Variants in NELL1 observed in about 807,000 individuals in gnomAD.
NELL1 encodes the protein protein kinase C-binding protein NELL1.
In NELL1, 76 loss-of-function variants were observed where a neutral mutation model predicts 107.4. The ratio of observed to expected loss-of-function variants is 0.71; its 90% CI spans 0.59 to 0.86. The LOEUF is 0.86. Among genes scored for constraint, NELL1 ranks in the 40% least tolerant of loss-of-function variants. NELL1 has a pLI of 0.00. For missense variants in NELL1, 1,024 were observed against 1,005.5 expected, an observed-to-expected ratio of 1.02 and a Z score of -0.25; for synonymous variants, 353 against 341.2, an observed-to-expected ratio of 1.03 and a Z score of -0.38.
chr11:21,290,087 G>T (rs10833494), intron 14 of NELL1, among the ~76,000 whole-genome samples: 2 of 152,066 alleles, frequency 1.3e-5, no homozygotes, highest in Non-Finnish European at 2.9e-5. Flanking sequence ...TAAATATTCC[G>T]GGCTGGACGC....
chr11:21,458,745 G>T (rs891576726), intron 15 of NELL1, among the ~76,000 whole-genome samples: 1 of 152,096 alleles, frequency 6.6e-6, no homozygotes, highest in South Asian at 2.1e-4. Context: ...AAGGGTTCTA[G>T]ATAACTACAG....
intron 14 of NELL1, among the ~76,000 whole-genome samples, chr11:21,321,601 A>G (rs1027366978): frequency 1.3e-5 from 2 of 152,236 alleles, no homozygotes; most frequent in Admixed American, 6.5e-5. Flanking sequence ...TGAAAATTGT[A>G]CTAAATTCCA....
chr11:20,774,030 TC>T (rs1856693686), intron 2 of NELL1, among the ~76,000 whole-genome samples: 1 of 93,012 alleles, frequency 1.1e-5, no homozygotes, highest in Non-Finnish European at 2.1e-5. Context: ...TTTTCCTCCC[TC>T]CCCTCCCCTC....
chr11:20,869,901 A>G (rs1849165003), intron 4 of NELL1, among the ~76,000 whole-genome samples: 1 of 152,230 alleles, frequency 6.6e-6, no homozygotes, highest in African/African-American at 2.4e-5. Flanking sequence ...AGTAACAGAA[A>G]TCAACTTGAA....
Position 20,942,518 on chromosome 11 carries a change from A to G in NELL1, c.1071+4659A>G, listed in dbSNP as rs80330856. Among the ~76,000 whole-genome samples, 590 of 152,284 alleles carry G rather than the reference A, an allele frequency of 3.9e-3. 5 individuals carry two copies. The highest frequency in any genetic ancestry group is 0.013 in the African/African-American group (561 of 41,556). ...GAGCAGGTGGGGTGGTCAATAACCT[A>G]TAGCTGGCACATTATCACACAAGGA... On this transcript the variant is annotated intron_variant, in intron 10 of 19. Coordinates refer to ENST00000357134, the MANE Select transcript of NELL1 (RefSeq NM_006157.5).
rs1564879666 is a variant in NELL1, at chr11:20,722,017, C to CTATT, written c.184+43958_184+43959insATTT. Among the ~76,000 whole-genome samples the CTATT allele has an allele frequency of 1.4e-5, 2 of 138,514 alleles. 1 individual carries two copies. The highest frequency in any genetic ancestry group is 3.2e-5 in the Non-Finnish European group (2 of 63,106). 90.9% of individuals were successfully genotyped at this position (138,514 alleles called of 152,430 possible). A position where few individuals can be genotyped will look rare whatever the true frequency, so the allele number is the denominator to read the frequency against. ...CATGTTACTTGACCTTTCTGAGTCT[C>CTATT]TCTTTTTTTTTTTTTTTTTTTGAGA... On this transcript the variant is annotated intron_variant, in intron 2 of 19. Transcript: ENST00000357134.
At chr11:21,359,668 A>G (rs1373239333) in intron 14 of NELL1, among the ~76,000 whole-genome samples, 1 of 152,052 alleles carries the variant, frequency 6.6e-6, no homozygotes, top group Non-Finnish European at 1.5e-5. Flanking sequence ...TACTGTTTCA[A>G]TCTCACTAAT....
At chr11:20,815,459 C>G (rs1048675973) in intron 3 of NELL1, among the ~76,000 whole-genome samples, 1 of 152,126 alleles carries the variant, frequency 6.6e-6, no homozygotes, top group African/African-American at 2.4e-5. Context: ...CGCATGTCTT[C>G]TTTTAAGAAG....
chr11:20,739,477 C>A (rs1028832039), intron 2 of NELL1, among the ~76,000 whole-genome samples: 2 of 152,186 alleles, frequency 1.3e-5, no homozygotes, highest in Non-Finnish European at 2.9e-5. Context: ...TCCCAGCAGA[C>A]AATAATCCAG....
At chr11:21,316,216 C>G (rs1590830271) in intron 14 of NELL1, among the ~76,000 whole-genome samples, 1 of 137,736 alleles carries the variant, frequency 7.3e-6, no homozygotes, top group South Asian at 2.2e-4. Context: ...ACCCAGGGGA[C>G]TTTTTAAAGA....
chr11:20,701,844 C>T (rs1854799196), intron 2 of NELL1, among the ~76,000 whole-genome samples: 1 of 152,072 alleles, frequency 6.6e-6, no homozygotes, highest in African/African-American at 2.4e-5. Context: ...TTTCTGAGGG[C>T]TCTGTTCTGT....
At chr11:21,342,296 C>T (rs947905612) in intron 14 of NELL1, among the ~76,000 whole-genome samples, 9 of 151,930 alleles carry the variant, frequency 5.9e-5, no homozygotes, top group African/African-American at 2.2e-4. Context: ...TCCCTTCTTT[C>T]ACTTTAACAT....
At chr11:21,491,809 A>G (rs1854824954) in intron 15 of NELL1, among the ~76,000 whole-genome samples, 1 of 152,020 alleles carries the variant, frequency 6.6e-6, no homozygotes. Context: ...TTTTCACGAT[A>G]TTGATTCTTC....
intron 15 of NELL1, among the ~76,000 whole-genome samples, chr11:21,416,485 G>T (rs1372079729): frequency 2.0e-5 from 3 of 152,056 alleles, no homozygotes; most frequent in African/African-American, 7.2e-5. Flanking sequence ...AAGAAATGGG[G>T]AAATGTTGGC....
intron 14 of NELL1, among the ~76,000 whole-genome samples, chr11:21,307,320 ATGTGTGTGTGTTTG>A (rs1167606924): frequency 6.6e-6 from 1 of 151,766 alleles, no homozygotes; most frequent in East Asian, 1.9e-4. Context: ...CTAACCCTGG[ATGTGTGTGTGTTTG>A]TGTGTGTGTG....
At chr11:21,139,687 G>A (rs917702523) in intron 13 of NELL1, among the ~76,000 whole-genome samples, 4 of 152,176 alleles carry the variant, frequency 2.6e-5, no homozygotes, top group African/African-American at 9.7e-5. Flanking sequence ...TCACATTGTA[G>A]GTGATCAGTA....
At chr11:21,056,536 A>C (rs1240179657) in intron 12 of NELL1, among the ~76,000 whole-genome samples, 1 of 152,168 alleles carries the variant, frequency 6.6e-6, no homozygotes, top group Non-Finnish European at 1.5e-5. Context: ...TTTTAGGAAC[A>C]CTAACAAACT....
intron 12 of NELL1, among the ~76,000 whole-genome samples, chr11:21,023,903 A>G (rs1314967490): frequency 6.6e-6 from 1 of 152,096 alleles, no homozygotes; most frequent in Non-Finnish European, 1.5e-5. Context: ...TTTTTTACAT[A>G]TATTAATAAT....
chr11:20,832,263 T>C (rs1314237369), intron 3 of NELL1, among the ~76,000 whole-genome samples: 1 of 152,238 alleles, frequency 6.6e-6, no homozygotes, highest in Non-Finnish European at 1.5e-5. Flanking sequence ...TTCACAATGC[T>C]CATGTTTAGC....
Sources: gnomAD v4.1 joint callset for allele counts (sites outside exome capture counted in the v4.1 genomes callset) on GRCh38, gnomAD v4.1.1 for gene constraint, MANE v1.5 for transcripts, NCBI Gene and HGNC (gene_info 2026-07-23, HGNC 2026-07-21) for gene names.